The following RICTOR variants were observed in gnomAD, a reference collection of about 807,000 sequenced individuals.
RICTOR encodes rapamycin-insensitive companion of mTOR.
In RICTOR, 49 loss-of-function variants were observed where a neutral mutation model predicts 214.9. The observed-to-expected ratio is 0.23, with a 90% confidence interval of 0.18 to 0.29. The LOEUF (loss-of-function observed/expected upper bound fraction) is 0.29, where lower values mean the gene tolerates loss of function less well. Among genes scored for constraint, RICTOR ranks in the 10% least tolerant of loss-of-function variants. RICTOR has a pLI of 1.00. For missense variants in RICTOR, 1,625 were observed against 2,047.0 expected, an observed-to-expected ratio of 0.79 and a Z score of 3.98; for synonymous variants, 717 against 711.3, an observed-to-expected ratio of 1.01 and a Z score of -0.13.
intron 9 of RICTOR, among the ~76,000 whole-genome samples, chr5:38,976,178 T>G (rs1751215025): frequency 6.6e-6 from 1 of 152,246 alleles, no homozygotes; most frequent in South Asian, 2.1e-4. Context: ...AACTGAATTT[T>G]TTATATCTAT....
chr5:38,972,788 A>C (rs1365977497), intron 10 of RICTOR, among the ~76,000 whole-genome samples: 1 of 152,010 alleles, frequency 6.6e-6, no homozygotes, highest in Non-Finnish European at 1.5e-5. Flanking sequence ...TCATGTCCAC[A>C]AAAAAAGTTT....
At position 38,952,245 on chromosome 5, in the gene RICTOR, C is replaced by T. The variant is rs765307738; in HGVS notation, c.3078G>A (p.Ser1026=). ...SSIPSTLSLN[S]ESTSSRHNSE... The stretch of plus-strand genomic sequence containing the variant: ...TATTATGTCTAGAGCTGGTTGACTC[C>T]GAGTTCAAACTTAGAGTGCTTGGGA... The change falls in exon 30 of 38, where the codon TCG becomes TCA. Residue 1026 remains serine (S), a synonymous_variant. Transcript: ENST00000357387. 9.3e-6 allele frequency: 15 copies of T among 1,612,558 alleles called. No homozygotes were observed. Among genetic ancestry groups the T allele is most frequent in the African/African-American group, 5.3e-5 (4 of 74,788 alleles).
chr5:39,035,005 G>A (rs553581565), intron 2 of RICTOR, among the ~76,000 whole-genome samples: 74 of 152,316 alleles, frequency 4.9e-4, no homozygotes, highest in African/African-American at 1.8e-3. Flanking sequence ...CTGAGAACGG[G>A]CAGACTGCCT....
chr5:38,947,705 A>G (rs1748357790), intron 31 of RICTOR, among the ~76,000 whole-genome samples: 1 of 152,170 alleles, frequency 6.6e-6, no homozygotes, highest in African/African-American at 2.4e-5. Flanking sequence ...GTGGGCAATT[A>G]GAATAACTTT....
intron 25 of RICTOR, among the ~76,000 whole-genome samples, 164 bp from the exon 26 acceptor site, chr5:38,955,868 C>T (rs555749688): frequency 1.3e-5 from 2 of 152,096 alleles, no homozygotes; most frequent in African/African-American, 4.8e-5. Context: ...GTACTATATA[C>T]TAATGACCCC....
At chr5:39,000,813 C>A (rs1223461726) in intron 5 of RICTOR, among the ~76,000 whole-genome samples, 1 of 151,812 alleles carries the variant, frequency 6.6e-6, no homozygotes, top group African/African-American at 2.4e-5. Flanking sequence ...GTCAATATCT[C>A]CCCCCAATTT....
intron 7 of RICTOR, among the ~76,000 whole-genome samples, chr5:38,990,352 G>T (rs1561500240): frequency 6.6e-6 from 1 of 151,468 alleles, no homozygotes; most frequent in African/African-American, 2.4e-5. Flanking sequence ...GGGGTCGGGG[G>T]AGGGACAGCA....
intron 2 of RICTOR, among the ~76,000 whole-genome samples, chr5:39,073,297 C>A (rs188740249): frequency 1.3e-5 from 2 of 152,280 alleles, no homozygotes; most frequent in Admixed American, 1.3e-4. Flanking sequence ...TACGTAACTA[C>A]TAAATCTTCA....
At chr5:39,042,746 C>A (rs1455736565) in intron 2 of RICTOR, among the ~76,000 whole-genome samples, 1 of 152,162 alleles carries the variant, frequency 6.6e-6, no homozygotes, top group Non-Finnish European at 1.5e-5. Context: ...AAACAGTAAC[C>A]ACACTCAAAA....
At chr5:39,022,863 C>A (rs1252654191) in intron 2 of RICTOR, among the ~76,000 whole-genome samples, 1 of 151,940 alleles carries the variant, frequency 6.6e-6, no homozygotes, top group Non-Finnish European at 1.5e-5. Context: ...CTGGAAGGAC[C>A]CAAATCCTCC....
chr5:38,945,031 C>A lies in RICTOR; in HGVS notation c.4671G>T (p.Gln1557His). Reference sequence around the variant, plus strand: ...CCACTTCTAAAGGATTATGGATAGTCTGCTCACACCAATCAGAATATGGAA... The same window carrying A: ...CCACTTCTAAAGGATTATGGATAGTATGCTCACACCAATCAGAATATGGAA... Reference protein sequence around the residue: ...QDIPYSDWCEQTIHNPLEVVP... With the variant: ...QDIPYSDWCEHTIHNPLEVVP... The change falls in exon 35 of 38, where the codon CAG (glutamine) becomes CAT (histidine). Residue 1557 changes from glutamine to histidine, a missense_variant. Transcript: ENST00000357387. The A allele has an allele frequency of 6.2e-7, 1 of 1,609,640 alleles. No homozygotes were observed. The highest frequency in any genetic ancestry group is 2.2e-5 in the East Asian group (1 of 44,852).
chr5:39,035,233 G>A (rs915394182), intron 2 of RICTOR, among the ~76,000 whole-genome samples: 22 of 152,166 alleles, frequency 1.4e-4, no homozygotes, highest in African/African-American at 4.3e-4. Context: ...GACCTCGGGC[G>A]AACTCCAACA....
At chr5:38,949,628 A>G in intron 31 of RICTOR, 84 bp downstream of exon 31, 1 of 1,239,428 alleles carries the variant, frequency 8.1e-7, no homozygotes, top group Admixed American at 2.0e-5. Flanking sequence ...AGGCTCACAT[A>G]GTGTAAAACC....
At position 38,967,206 on chromosome 5, in the gene RICTOR, A is replaced by G. The variant is rs775645151; in HGVS notation, c.1173T>C (p.Tyr391=). The G allele has an allele frequency of 8.1e-6, 13 of 1,612,872 alleles. No individual in the cohort carries two copies. The Admixed American group carries it at 1.8e-4, about 23-fold the overall frequency. ...ARSRPDLMDN[Y]LALILSAFIR... The stretch of plus-strand genomic sequence containing the variant: ...TAAATGCAGAGAGTATCAGTGCCAA[A>G]TAATTATCCATGAGGTCTGGCCTGG... Residue 391 remains tyrosine (Y), a synonymous_variant, in exon 14 of 38, where the codon TAT becomes TAC. Coordinates refer to ENST00000357387, the MANE Select transcript of RICTOR (RefSeq NM_152756.5).
At chr5:38,971,813 T>C in intron 11 of RICTOR, 64 bp downstream of exon 11, 1 of 723,954 alleles carries the variant, frequency 1.4e-6, no homozygotes, top group Non-Finnish European at 2.4e-6. Flanking sequence ...ATAATTTTTT[T>C]TTTATAATTA....
At chr5:38,949,434 G>A (rs555394085) in intron 31 of RICTOR, 1 of 1,583,308 alleles carries the variant, frequency 6.3e-7, no homozygotes. Flanking sequence ...GATCCTTGCA[G>A]AAGCGAGAAA....
At chr5:38,949,290 A>G in intron 31 of RICTOR, 1 of 1,032,458 alleles carries the variant, frequency 9.7e-7, no homozygotes, top group Non-Finnish European at 1.4e-6. Flanking sequence ...ATTTCACTGA[A>G]ATTTTCATTT....
At chr5:39,025,997 T>A (rs917535304) in intron 2 of RICTOR, among the ~76,000 whole-genome samples, 1 of 152,154 alleles carries the variant, frequency 6.6e-6, no homozygotes, top group East Asian at 1.9e-4. Flanking sequence ...TGACTAGATA[T>A]AGAAATAGCA....
At chr5:38,944,215 C>G in intron 36 of RICTOR, 1 of 601,830 alleles carries the variant, frequency 1.7e-6, no homozygotes, top group Non-Finnish European at 3.1e-6. Flanking sequence ...CTTCAAAAGT[C>G]TGGCTTAATA....
Sources: allele counts gnomAD v4.1 joint callset (sites outside exome capture counted in the v4.1 genomes callset), GRCh38; gene constraint gnomAD v4.1.1; transcripts MANE v1.5; gene names NCBI Gene and HGNC (gene_info 2026-07-23, HGNC 2026-07-21).